CACNA1B: variants seen among roughly 807,000 people sequenced by gnomAD.
CACNA1B encodes the protein voltage-dependent N-type calcium channel subunit alpha-1B.
Under a neutral mutation model 247.2 loss-of-function variants are expected in CACNA1B, and 70 were observed. The ratio of observed to expected loss-of-function variants is 0.28; its 90% CI spans 0.23 to 0.35. CACNA1B has a LOEUF of 0.35. CACNA1B is among the 10% of genes least tolerant of loss of function. The pLI is 1.00. For missense variants in CACNA1B, 2,367 were observed against 3,197.4 expected (o/e 0.74, Z 6.26); for synonymous variants, 1,231 against 1,294.4 (o/e 0.95, Z 1.05).
intron 21 of CACNA1B, 100 bp downstream of exon 21, chr9:138,044,000 A>G (rs1161328370): frequency 4.3e-6 from 6 of 1,411,260 alleles, no homozygotes; most frequent in African/African-American, 2.8e-5. Context: ...CTGCGCACTT[A>G]TGTAGAGAAA....
intron 39 of CACNA1B, among the ~76,000 whole-genome samples, chr9:138,108,830 T>C (rs922781230): frequency 6.6e-6 from 1 of 152,172 alleles, no homozygotes; most frequent in Non-Finnish European, 1.5e-5. Flanking sequence ...TTTGTATTTT[T>C]AGTAGAGACA....
intron 36 of CACNA1B, among the ~76,000 whole-genome samples, chr9:138,087,914 A>G (rs1027587555): frequency 2.0e-5 from 3 of 152,098 alleles, no homozygotes; most frequent in Non-Finnish European, 4.4e-5. Flanking sequence ...TACATCAGAA[A>G]CACACAAAGA....
Position 137,882,668 on chromosome 9 carries a change from G to T in CACNA1B, c.391-76G>T. ...TGTGGCCTGCACATGGTGGGGTGGG[G>T]TCCTCACCAACCGTCTCTGCCCGCT... On this transcript the variant is annotated intron_variant, in intron 2 of 46. Coordinates refer to ENST00000371372, the MANE Select transcript of CACNA1B (RefSeq NM_000718.4). The surrounding 1 kb of genome is among the most constrained non-coding windows in gnomAD (Gnocchi z 4.0). The T allele has an allele frequency of 1.3e-6, 2 of 1,551,286 alleles. No homozygotes were observed. The highest frequency in any genetic ancestry group is 2.3e-5 in the South Asian group (2 of 87,484).
Position 137,898,324 on chromosome 9 carries a change from C to T in CACNA1B, c.531-14856C>T, listed in dbSNP as rs373261663. Among the ~76,000 whole-genome samples, 6 of 152,126 alleles carry T rather than the reference C, an allele frequency of 3.9e-5. No homozygotes were observed. In the South Asian group the frequency reaches 6.2e-4, roughly 16 times the overall value. On this transcript the variant is annotated intron_variant, in intron 3 of 46. Coordinates refer to ENST00000371372, the MANE Select transcript of CACNA1B (RefSeq NM_000718.4). ...TTGAGTTGATCCTGTTTGGGGTCCCCTCAGCTTCTTGAATCTGTAGGTTTA... is the reference window on the plus strand; with the variant it reads ...TTGAGTTGATCCTGTTTGGGGTCCCTTCAGCTTCTTGAATCTGTAGGTTTA...
intron 10 of CACNA1B, among the ~76,000 whole-genome samples, chr9:137,962,233 T>C (rs2133353229): frequency 6.6e-6 from 1 of 152,234 alleles, no homozygotes; most frequent in Middle Eastern, 3.4e-3. Context: ...ATATCTCCTT[T>C]ATCATTTCTG....
rs143285581 is a variant in CACNA1B, at chr9:137,974,550, C to T, written c.1544-1357C>T. On this transcript the variant is annotated intron_variant, in intron 11 of 46. Transcript: ENST00000371372. This position sits in a 1 kb window ranked among gnomAD's most constrained non-coding sequence, Gnocchi z 4.5. ...TGTGAAGTTGTCATCTCTGCTTATC[C>T]CAGGTCTGGGCTGCTGCAGACTTGC... is the stretch of plus-strand genomic sequence containing the variant. Among the ~76,000 whole-genome samples, 698 of 152,266 alleles carry T rather than the reference C, an allele frequency of 4.6e-3. 6 individuals carry two copies. Among genetic ancestry groups the T allele is most frequent in the African/African-American group, 0.016 (674 of 41,554 alleles).
intron 5 of CACNA1B, among the ~76,000 whole-genome samples, chr9:137,916,459 C>G (rs1196774790): frequency 4.6e-5 from 7 of 152,196 alleles, no homozygotes; most frequent in Non-Finnish European, 1.0e-4. Context: ...TTTAACCCCT[C>G]TTTCTCTGGT....
intron 10 of CACNA1B, among the ~76,000 whole-genome samples, chr9:137,966,435 G>T (rs953438075): frequency 2.2e-4 from 34 of 151,724 alleles, no homozygotes; most frequent in African/African-American, 8.0e-4. Context: ...CACCGTGTTA[G>T]CCAGGATGGT....
intron 3 of CACNA1B, among the ~76,000 whole-genome samples, chr9:137,884,672 A>G (rs1956978136): frequency 6.6e-6 from 1 of 151,448 alleles, no homozygotes; most frequent in African/African-American, 2.4e-5. Flanking sequence ...TTGGGGTGTA[A>G]GCAGTGCTGG....
At chr9:137,892,210 C>T in intron 3 of CACNA1B, 1 of 456,796 alleles carries the variant, frequency 2.2e-6, no homozygotes, top group South Asian at 1.5e-5. Context: ...AGCAGCACAG[C>T]CGGGCGCTGC....
chr9:138,066,532 G>C (rs886402258), intron 31 of CACNA1B, among the ~76,000 whole-genome samples: 9 of 152,172 alleles, frequency 5.9e-5, no homozygotes. Context: ...TGTGGGGCGT[G>C]AAAGTGCATT....
In CACNA1B at chr9:138,064,225, C is replaced by G. The variant is rs562647578; in HGVS notation, c.4668+4488C>G. 3.3e-5 allele frequency among the ~76,000 whole-genome samples: 5 copies of G among 152,316 alleles called. No individual in the cohort carries two copies. In the South Asian group the frequency reaches 1.0e-3, roughly 32 times the overall value. On this transcript the variant is annotated intron_variant, in intron 31 of 46. Coordinates refer to ENST00000371372, the MANE Select transcript of CACNA1B (RefSeq NM_000718.4). ...AATTTCTCAAGTAAACGAACCAGATCTCCTTGGGGAGGGGCAGAGAAATGG... is the reference window on the plus strand; with the variant it reads ...AATTTCTCAAGTAAACGAACCAGATGTCCTTGGGGAGGGGCAGAGAAATGG...
At chr9:138,092,916 G>A (rs1211189885) in intron 36 of CACNA1B, among the ~76,000 whole-genome samples, 2 of 152,192 alleles carry the variant, frequency 1.3e-5, no homozygotes, top group African/African-American at 4.8e-5. Flanking sequence ...TCAACAGAGT[G>A]ACAAGACAAC....
Position 138,023,024 on chromosome 9 carries a change from T to G in CACNA1B, c.2281T>G (p.Ser761Ala). ...NISIAARQQN[S>A]AKARSVWEQR... ...GTCTCCCCGCAGCAGGCAGCAGAACTCGGCCAAGGCGCGCTCGGTGTGGGA... is the reference window on the plus strand; with the variant it reads ...GTCTCCCCGCAGCAGGCAGCAGAACGCGGCCAAGGCGCGCTCGGTGTGGGA... The change falls in exon 19 of 47, where the codon TCG becomes GCG. Residue 761 changes from serine (S) to alanine (A), a missense_variant. By Grantham distance (99) the Ser-to-Ala change is moderately conservative. Around this residue, in one of 12 missense-constraint regions of CACNA1B, gnomAD observed 631 missense variants for 631.1 expected, o/e 1.00. Transcript: ENST00000371372. 6.6e-7 allele frequency: 1 copy of G among 1,514,770 alleles called. No individual in the cohort carries two copies. Among genetic ancestry groups the G allele is most frequent in the Non-Finnish European group, 8.8e-7 (1 of 1,138,622 alleles). 93.8% of individuals were successfully genotyped at this position (1,514,770 alleles called of 1,614,324 possible).
rs1958711598 is a variant in CACNA1B, at chr9:138,010,579, C to A, written c.2160+502C>A. Among the ~76,000 whole-genome samples, 1 of 152,166 alleles carries A rather than the reference C, an allele frequency of 6.6e-6. No homozygotes were observed. Among genetic ancestry groups the A allele is most frequent in the Admixed American group, 6.5e-5 (1 of 15,288 alleles). Reference sequence around the variant, plus strand: ...GCCCTGGACACTTGTAGTGTGGCCACCTGCCATCTCAGTCGCAGGCTTGTG... The same window carrying A: ...GCCCTGGACACTTGTAGTGTGGCCAACTGCCATCTCAGTCGCAGGCTTGTG... On this transcript the variant is annotated intron_variant, in intron 17 of 46. Transcript: ENST00000371372. This position sits in a 1 kb window ranked among gnomAD's most constrained non-coding sequence, Gnocchi z 5.3.
intron 3 of CACNA1B, among the ~76,000 whole-genome samples, chr9:137,897,268 A>G (rs922506447): frequency 6.6e-5 from 10 of 152,098 alleles, no homozygotes; most frequent in African/African-American, 2.4e-4. Context: ...TTTCTAACAT[A>G]TACATATAAT....
chr9:138,097,046 G>A (rs1186297624), intron 37 of CACNA1B, among the ~76,000 whole-genome samples: 2 of 151,726 alleles, frequency 1.3e-5, no homozygotes, highest in Admixed American at 6.6e-5. Context: ...TCGATGTAGG[G>A]TTTTAGGACA....
intron 6 of CACNA1B, among the ~76,000 whole-genome samples, chr9:137,920,132 C>T (rs1310913668): frequency 6.6e-6 from 1 of 152,112 alleles, no homozygotes; most frequent in East Asian, 1.9e-4. Context: ...GCAGGCCAGC[C>T]AGCGAGAGTG....
rs1036732946 is a variant in CACNA1B at position 137,930,926 on chromosome 9, C to T, written c.966+13495C>T. Among the ~76,000 whole-genome samples the T allele has an allele frequency of 4.5e-4, 69 of 152,016 alleles. 1 individual carries two copies. The highest frequency in any genetic ancestry group is 1.5e-3 in the African/African-American group (63 of 41,366). ...GCCACTCCAATTTAAAAAAATTAAT[C>T]TTTGTATAAATCTTTTTTTATATTT... On this transcript the variant is annotated intron_variant, in intron 6 of 46. Transcript: ENST00000371372.
Sources: gnomAD v4.1 joint callset for allele counts (sites outside exome capture counted in the v4.1 genomes callset) on GRCh38, gnomAD v4.1.1 for gene constraint, gnomAD v4.1.1 regional missense constraint, Gnocchi (gnomAD v3.1) non-coding constraint, MANE v1.5 for transcripts, NCBI Gene and HGNC (gene_info 2026-07-23, HGNC 2026-07-21) for gene names.